Variants in ZNF138 observed in about 807,000 individuals in gnomAD.
The protein encoded by ZNF138 is zinc finger protein 138 (clone pHZ-32).
In ZNF138, 33 loss-of-function variants were observed where a neutral mutation model predicts 33.0. That is an observed-to-expected ratio of 1.00 (90% CI 0.76 to 1.34). The LOEUF is 1.34. Ranked by LOEUF, ZNF138 falls within the 40% of genes most tolerant of loss-of-function variation. ZNF138 has a pLI of 0.00. For missense variants in ZNF138, 360 were observed against 370.8 expected, an observed-to-expected ratio of 0.97 and a Z score of 0.24; for synonymous variants, 139 against 120.4, an observed-to-expected ratio of 1.15 and a Z score of -1.01.
chr7:64,803,478 C>A (rs1237605158), intron 1 of ZNF138, among the ~76,000 whole-genome samples: 1 of 152,156 alleles, frequency 6.6e-6, no homozygotes, highest in African/African-American at 2.4e-5. Flanking sequence ...GAAGTACTTA[C>A]ATTGCAAAAG....
the ZNF138 span, among the ~76,000 whole-genome samples, chr7:64,841,416 C>T: frequency 2.6e-5 from 4 of 152,004 alleles, no homozygotes; most frequent in South Asian, 2.1e-4. Context: ...ATAAATGTGG[C>T]GAACAAACAT....
At chr7:64,839,044 G>A in the ZNF138 span, among the ~76,000 whole-genome samples, 25 of 152,290 alleles carry the variant, frequency 1.6e-4, no homozygotes, top group African/African-American at 4.8e-4. Context: ...TTGTGCCAGC[G>A]AAAACACTTG....
chr7:64,840,805 ATAAAATTAGCTAT>A, the ZNF138 span, among the ~76,000 whole-genome samples: 6 of 152,312 alleles, frequency 3.9e-5, no homozygotes, highest in South Asian at 1.2e-3. Flanking sequence ...TTTAATTTAC[ATAAAATTAGCTAT>A]GCACGTATGT....
chr7:64,857,949 G>A, the ZNF138 span, among the ~76,000 whole-genome samples: 1 of 152,160 alleles, frequency 6.6e-6, no homozygotes, highest in Non-Finnish European at 1.5e-5. Flanking sequence ...TGATATTGTA[G>A]AACTATAGAT....
chr7:64,828,656 T>G (rs7809177), intron 3 of ZNF138, among the ~76,000 whole-genome samples: 97,723 of 152,002 alleles, frequency 0.64, 32,155 homozygotes, highest in African/African-American at 0.78. Context: ...TATTTGAAAG[T>G]ATATATATGT....
In ZNF138 at chr7:64,831,975, C is replaced by A; in HGVS notation, c.733C>A (p.Arg245Ser). The A allele has an allele frequency of 6.2e-7, 1 of 1,613,294 alleles. No individual in the cohort carries two copies. ...SSILTKHKII[R>S]TGEKPYKCAH... Reference sequence around the variant, plus strand: ...AATCCTTACTAAACATAAGATAATTCGTACTGGAGAAAAACCCTATAAATG... The same window carrying A: ...AATCCTTACTAAACATAAGATAATTAGTACTGGAGAAAAACCCTATAAATG... The change falls in exon 4 of 4, where the codon CGT becomes AGT. Residue 245 changes from arginine to serine, a missense_variant. By Grantham distance (110) the Arg-to-Ser change is moderately radical. Coordinates refer to ENST00000307355, the MANE Select transcript of ZNF138 (RefSeq NM_001271639.2).
Position 64,831,744 on chromosome 7 carries a change from A to G in ZNF138, c.502A>G (p.Arg168Gly), listed in dbSNP as rs750599393. ...AAGACATACTGAAAATAAACATTTC[A>G]GATGTAAAGAATGTGACAAATCACT... The part of the protein sequence containing the change: ...KIRHTENKHF[R>G]CKECDKSLCM... Residue 168 changes from arginine to glycine, a missense_variant, in exon 4 of 4, where the codon AGA becomes GGA. Coordinates refer to ENST00000307355, the MANE Select transcript of ZNF138 (RefSeq NM_001271639.2). 1.9e-6 allele frequency: 3 copies of G among 1,613,652 alleles called. No individual in the cohort carries two copies. The Admixed American group carries it at 5.0e-5, about 27-fold the overall frequency.
intron 1 of ZNF138, among the ~76,000 whole-genome samples, chr7:64,805,412 A>AAAAC (rs763227725): frequency 0.22 from 739 of 3,342 alleles, 6 homozygotes; most frequent in Non-Finnish European, 0.46. Context: ...AAAACAAAAC[A>AAAAC]AAAAAAAAAA....
At chr7:64,840,037 C>T in the ZNF138 span, among the ~76,000 whole-genome samples, 18 of 151,962 alleles carry the variant, frequency 1.2e-4, no homozygotes, top group Non-Finnish European at 2.5e-4. Context: ...GAGTGTGACA[C>T]GTCCTAGTGG....
At chr7:64,845,217 A>G in the ZNF138 span, among the ~76,000 whole-genome samples, 1 of 152,244 alleles carries the variant, frequency 6.6e-6, no homozygotes, top group Non-Finnish European at 1.5e-5. Flanking sequence ...CTTCACTTAG[A>G]ATAATAATCT....
chr7:64,832,476 A>G lies in ZNF138; in HGVS notation c.*274A>G. Reference sequence around the variant, plus strand: ...CTCAATCCTTAGTACACATAAGAAAATTCATACTGGGGAGAAACCCCACAA... The same window carrying G: ...CTCAATCCTTAGTACACATAAGAAAGTTCATACTGGGGAGAAACCCCACAA... On this transcript the variant is annotated 3_prime_UTR_variant, in exon 4 of 4. Transcript: ENST00000307355. The G allele has an allele frequency of 7.9e-7, 1 of 1,273,882 alleles. No individual in the cohort carries two copies. The highest frequency in any genetic ancestry group is 1.0e-6 in the Non-Finnish European group (1 of 959,808). 78.9% of individuals were successfully genotyped at this position (1,273,882 alleles called of 1,614,324 possible).
the ZNF138 span, among the ~76,000 whole-genome samples, chr7:64,841,876 G>A: frequency 6.6e-6 from 1 of 152,138 alleles, no homozygotes; most frequent in Non-Finnish European, 1.5e-5. Context: ...CGCATACACT[G>A]TCCATAGATC....
At chr7:64,825,579 C>T (rs1789538979) in intron 3 of ZNF138, among the ~76,000 whole-genome samples, 2 of 139,368 alleles carry the variant, frequency 1.4e-5, no homozygotes, top group South Asian at 2.3e-4. Flanking sequence ...ATTGCTCTGT[C>T]GCCAAGCTGG....
chr7:64,853,190 A>G, the ZNF138 span: 4 of 1,595,972 alleles, frequency 2.5e-6, no homozygotes, highest in Non-Finnish European at 3.4e-6. Context: ...AGGCTCCCAG[A>G]AACTGCTCAT....
chr7:64,847,107 A>C, the ZNF138 span, among the ~76,000 whole-genome samples: 1 of 151,906 alleles, frequency 6.6e-6, no homozygotes, highest in African/African-American at 2.4e-5. Context: ...TTGGTATAAA[A>C]CCTACTTGAT....
intron 1 of ZNF138, among the ~76,000 whole-genome samples, chr7:64,812,334 T>G (rs1788243682): frequency 2.6e-5 from 4 of 152,050 alleles, no homozygotes; most frequent in Admixed American, 2.6e-4. Flanking sequence ...ATTTTTTTTT[T>G]GCATTTTTCT....
At chr7:64,801,754 T>C (rs1787154218) in intron 1 of ZNF138, among the ~76,000 whole-genome samples, 1 of 152,190 alleles carries the variant, frequency 6.6e-6, no homozygotes, top group Non-Finnish European at 1.5e-5. Context: ...TGTGGGGTGT[T>C]GTAGTCTCCC....
intron 3 of ZNF138, among the ~76,000 whole-genome samples, chr7:64,816,136 G>A (rs1480628388): frequency 6.6e-6 from 1 of 151,914 alleles, no homozygotes. Flanking sequence ...GAAATATGAT[G>A]TCCCTCTACT....
intron 1 of ZNF138, among the ~76,000 whole-genome samples, chr7:64,812,367 C>T (rs1788248103): frequency 6.6e-6 from 1 of 152,010 alleles, no homozygotes; most frequent in Non-Finnish European, 1.5e-5. Flanking sequence ...GCCATGTTGG[C>T]CAGGATGGTC....
Sources: gnomAD v4.1 joint callset for allele counts (sites outside exome capture counted in the v4.1 genomes callset) on GRCh38, gnomAD v4.1.1 for gene constraint, MANE v1.5 for transcripts, NCBI Gene and HGNC (gene_info 2026-07-23, HGNC 2026-07-21) for gene names.